GRM3: variants seen among roughly 807,000 people sequenced by gnomAD.
GRM3 encodes the protein glutamate metabotropic receptor 3.
GRM3 carries 26 observed loss-of-function variants against 70.5 expected under a neutral mutation model. The observed-to-expected ratio is 0.37, with a 90% CI of 0.27 to 0.51. The LOEUF is 0.51. Ranked by LOEUF, GRM3 falls within the 20% of genes least tolerant of loss-of-function variation. The pLI is 0.93. For missense variants in GRM3, 859 were observed against 1,123.8 expected (o/e 0.76, Z 3.37); for synonymous variants, 443 against 434.9 (o/e 1.02, Z -0.23).
rs79684277 is a variant in GRM3, at chr7:86,724,293, G to T, written c.-140-40713G>T. Among the ~76,000 whole-genome samples, 286 of 152,220 alleles carry T rather than the reference G, an allele frequency of 1.9e-3. 4 individuals are homozygous for T. In the East Asian group the frequency reaches 0.047, roughly 25 times the overall value. On this transcript the variant is annotated intron_variant, in intron 1 of 5. Coordinates refer to ENST00000361669, the MANE Select transcript of GRM3 (RefSeq NM_000840.3). ...TCTATAAAACTGCTTTCTTCCTGAG[G>T]ATTGTTCAATAGGAGTGCCTGGGAA...
chr7:86,745,024 T>G (rs1177596617), intron 1 of GRM3, among the ~76,000 whole-genome samples: 2 of 152,062 alleles, frequency 1.3e-5, no homozygotes, highest in African/African-American at 4.8e-5. Flanking sequence ...AAATGGCTGA[T>G]TTATGATGTG....
chr7:86,823,909 A>G (rs1043316123), intron 3 of GRM3, among the ~76,000 whole-genome samples: 5 of 152,132 alleles, frequency 3.3e-5, no homozygotes, highest in African/African-American at 1.2e-4. Flanking sequence ...CTACTTACCC[A>G]GGTGTCCTTA....
At chr7:86,829,087 T>C (rs1284424300) in intron 3 of GRM3, among the ~76,000 whole-genome samples, 1 of 152,240 alleles carries the variant, frequency 6.6e-6, no homozygotes, top group Non-Finnish European at 1.5e-5. Flanking sequence ...GCTCCACTTC[T>C]AATTCTGGTT....
intron 1 of GRM3, among the ~76,000 whole-genome samples, chr7:86,691,578 A>C (rs761015540): frequency 2.0e-5 from 3 of 152,180 alleles, no homozygotes; most frequent in Non-Finnish European, 2.9e-5. Context: ...ATGTTTTGGA[A>C]ACTTAACCCC....
At chr7:86,721,277 G>T (rs1033315224) in intron 1 of GRM3, among the ~76,000 whole-genome samples, 1 of 151,952 alleles carries the variant, frequency 6.6e-6, no homozygotes, top group Non-Finnish European at 1.5e-5. Flanking sequence ...CAGCCCTCAC[G>T]CTGGTTTGTT....
intron 1 of GRM3, among the ~76,000 whole-genome samples, chr7:86,698,180 G>T (rs1318450347): frequency 2.0e-5 from 3 of 152,040 alleles, no homozygotes; most frequent in African/African-American, 7.2e-5. Context: ...TGAACTGGGG[G>T]ATTTACCAAG....
intron 3 of GRM3, among the ~76,000 whole-genome samples, chr7:86,824,632 C>T (rs1053825994): frequency 6.6e-6 from 1 of 152,130 alleles, no homozygotes; most frequent in Admixed American, 6.6e-5. Context: ...TAATTACACA[C>T]CTAGTTGGAT....
rs574257749 is a variant in GRM3, at chr7:86,713,861, C to T, written c.-140-51145C>T. On this transcript the variant is annotated intron_variant, in intron 1 of 5. Transcript: ENST00000361669. ...CTCACAGACTTCCAAATATAAAGAA[C>T]GTAATTGACCAAGGGCCCCTACTAC... Among the ~76,000 whole-genome samples the T allele has an allele frequency of 5.3e-5, 8 of 152,018 alleles. No individual in the cohort carries two copies. The East Asian group carries it at 1.2e-3, about 22-fold the overall frequency.
chr7:86,691,124 C>T (rs1212719749), intron 1 of GRM3, among the ~76,000 whole-genome samples: 1 of 152,138 alleles, frequency 6.6e-6, no homozygotes, highest in Non-Finnish European at 1.5e-5. Context: ...TTCAATCTTA[C>T]ATTCCCTAGT....
At chr7:86,685,992 A>G (rs747143781) in intron 1 of GRM3, among the ~76,000 whole-genome samples, 1 of 152,050 alleles carries the variant, frequency 6.6e-6, no homozygotes, top group Non-Finnish European at 1.5e-5. Flanking sequence ...ATCCTTGAGC[A>G]CCGTATCTGG....
rs557456130 is a variant in GRM3 at position 86,686,831 on chromosome 7, A to G, written c.-141+41959A>G. Among the ~76,000 whole-genome samples the G allele has an allele frequency of 7.9e-5, 12 of 152,150 alleles. 1 individual carries two copies. In the South Asian group the frequency reaches 2.5e-3, roughly 32 times the overall value. On this transcript the variant is annotated intron_variant, in intron 1 of 5. Transcript: ENST00000361669. Reference sequence around the variant, plus strand: ...TAGGTATTTTAGATATTAAAATTATAAAATATATTTTTAAATAGCAATGAT... The same window carrying G: ...TAGGTATTTTAGATATTAAAATTATGAAATATATTTTTAAATAGCAATGAT...
At chr7:86,855,397 C>G (rs1009849879) in intron 5 of GRM3, among the ~76,000 whole-genome samples, 1 of 151,990 alleles carries the variant, frequency 6.6e-6, no homozygotes, top group Admixed American at 6.6e-5. Context: ...GCTATTATAC[C>G]CAGACTTGGT....
chr7:86,804,653 C>T (rs889966167), intron 3 of GRM3, among the ~76,000 whole-genome samples: 5 of 152,266 alleles, frequency 3.3e-5, no homozygotes, highest in East Asian at 1.9e-4. Context: ...TCAGATGATC[C>T]GCCCGCCTTG....
At chr7:86,732,165 T>C (rs1343878999) in intron 1 of GRM3, among the ~76,000 whole-genome samples, 1 of 152,158 alleles carries the variant, frequency 6.6e-6, no homozygotes, top group Non-Finnish European at 1.5e-5. Context: ...TTAAGAGCCT[T>C]CCATTTTTAA....
At position 86,682,468 on chromosome 7, in the gene GRM3, C is replaced by G. The variant is rs568170842; in HGVS notation, c.-141+37596C>G. ...GATGACCACTAGATTCATGTTAGAG[C>G]ATACTTAAGAGAAATTCTGCTTATT... On this transcript the variant is annotated intron_variant, in intron 1 of 5. Coordinates refer to ENST00000361669, the MANE Select transcript of GRM3 (RefSeq NM_000840.3). Among the ~76,000 whole-genome samples, 10 of 152,192 alleles carry G rather than the reference C, an allele frequency of 6.6e-5. No individual in the cohort carries two copies. The South Asian group carries it at 2.1e-3, about 32-fold the overall frequency.
At chr7:86,740,984 C>A (rs1332497752) in intron 1 of GRM3, among the ~76,000 whole-genome samples, 4 of 152,122 alleles carry the variant, frequency 2.6e-5, no homozygotes, top group African/African-American at 9.7e-5. Context: ...AAGGAAGAAC[C>A]ATATATATGT....
At chr7:86,780,591 C>T (rs1017677626) in intron 2 of GRM3, among the ~76,000 whole-genome samples, 13 of 152,298 alleles carry the variant, frequency 8.5e-5, no homozygotes, top group African/African-American at 3.1e-4. Flanking sequence ...CTAAACATAA[C>T]TTACTTGCAT....
Position 86,761,052 on chromosome 7 carries a change from T to C in GRM3, c.-140-3954T>C, listed in dbSNP as rs148070523. Among the ~76,000 whole-genome samples the C allele has an allele frequency of 7.2e-5, 11 of 152,258 alleles. No individual in the cohort carries two copies. In the East Asian group the frequency reaches 2.1e-3, roughly 29 times the overall value. ...AGATTTTCACTAATGATGAAAATAG[T>C]TCATAAAAACAGAGATGCATACTTT... On this transcript the variant is annotated intron_variant, in intron 1 of 5. Transcript: ENST00000361669.
In GRM3 at chr7:86,742,511, G is replaced by T. The variant is rs1796012123; in HGVS notation, c.-140-22495G>T. On this transcript the variant is annotated intron_variant, in intron 1 of 5. Coordinates refer to ENST00000361669, the MANE Select transcript of GRM3 (RefSeq NM_000840.3). ...AGCATGTGGAATGAGAAATATTTCT[G>T]GAAAATACAATCTGCCATACCAAGG... is the stretch of plus-strand genomic sequence containing the variant. Among the ~76,000 whole-genome samples the T allele has an allele frequency of 2.6e-5, 4 of 152,198 alleles. No individual in the cohort carries two copies. The South Asian group carries it at 8.3e-4, about 32-fold the overall frequency.
Sources: gnomAD v4.1 joint callset for allele counts (sites outside exome capture counted in the v4.1 genomes callset) on GRCh38, gnomAD v4.1.1 for gene constraint, MANE v1.5 for transcripts, NCBI Gene and HGNC (gene_info 2026-07-23, HGNC 2026-07-21) for gene names.